AMOTL1: variants seen among roughly 807,000 people sequenced by gnomAD.
AMOTL1 encodes the protein angiomotin-like protein 1.
AMOTL1 carries 45 observed loss-of-function variants against 102.9 expected under a neutral mutation model. The ratio of observed to expected loss-of-function variants is 0.44; its 90% CI spans 0.34 to 0.56. AMOTL1 has a LOEUF of 0.56. Among genes scored for constraint, AMOTL1 ranks in the 20% least tolerant of loss-of-function variants. The pLI, the probability that AMOTL1 is intolerant of heterozygous loss-of-function variation, is 0.01. For synonymous variants in AMOTL1, 481 were observed against 484.7 expected (o/e 0.99, Z 0.10); for missense variants, 1,114 against 1,225.6 (o/e 0.91, Z 1.36).
chr11:94,820,804 A>C (rs994008078), intron 3 of AMOTL1, among the ~76,000 whole-genome samples: 14 of 152,094 alleles, frequency 9.2e-5, no homozygotes, highest in African/African-American at 3.1e-4. Flanking sequence ...GGAACAAACA[A>C]CCTAGATCCC....
At chr11:94,755,707 G>A (rs911111944) in intron 3 of AMOTL1, among the ~76,000 whole-genome samples, 1 of 151,998 alleles carries the variant, frequency 6.6e-6, no homozygotes, top group African/African-American at 2.4e-5. Context: ...CCTAGAGGCC[G>A]CATGCAGACA....
chr11:94,827,978 G>A (rs542205359), intron 4 of AMOTL1, among the ~76,000 whole-genome samples: 4 of 152,116 alleles, frequency 2.6e-5, no homozygotes, highest in East Asian at 1.9e-4. Flanking sequence ...AGTGGTCTCC[G>A]CTTTCTGATG....
At chr11:94,846,505 G>A (rs1171091908) in intron 6 of AMOTL1, among the ~76,000 whole-genome samples, 1 of 152,238 alleles carries the variant, frequency 6.6e-6, no homozygotes, top group Non-Finnish European at 1.5e-5. Context: ...ACCATAAGTG[G>A]AAGAGCTGGG....
Position 94,790,208 on chromosome 11 carries a change from G to A in AMOTL1, c.50-4803G>A, listed in dbSNP as rs117649373. On this transcript the variant is annotated intron_variant, in intron 1 of 12. Coordinates refer to ENST00000433060, the MANE Select transcript of AMOTL1 (RefSeq NM_130847.3). Reference sequence around the variant, plus strand: ...CCATGTTCTTGCCATCAGTCAGCACGTAGTAAGAAGCATATGTCTTACATG... The same window carrying A: ...CCATGTTCTTGCCATCAGTCAGCACATAGTAAGAAGCATATGTCTTACATG... Among the ~76,000 whole-genome samples the A allele has an allele frequency of 4.1e-4, 63 of 152,310 alleles. 2 individuals carry two copies. The East Asian group carries it at 0.012, about 28-fold the overall frequency.
intron 8 of AMOTL1, among the ~76,000 whole-genome samples, chr11:94,858,436 G>A (rs1952709802): frequency 6.6e-6 from 1 of 152,188 alleles, no homozygotes; most frequent in Non-Finnish European, 1.5e-5. Flanking sequence ...CTCTCTGATA[G>A]GATTAGTTTC....
chr11:94,826,185 C>G (rs909349111), intron 4 of AMOTL1, among the ~76,000 whole-genome samples: 1 of 152,094 alleles, frequency 6.6e-6, no homozygotes, highest in African/African-American at 2.4e-5. Context: ...TCCAGCTGCC[C>G]TGGAGGCTGA....
intron 3 of AMOTL1, among the ~76,000 whole-genome samples, chr11:94,746,884 A>C (rs1565337361): frequency 1.3e-5 from 2 of 152,248 alleles, no homozygotes; most frequent in Admixed American, 1.3e-4. Flanking sequence ...AGCAGCCAGC[A>C]CAGTGCCCAG....
intron 1 of AMOTL1, among the ~76,000 whole-genome samples, chr11:94,773,021 C>T (rs543336015): frequency 2.0e-5 from 3 of 152,258 alleles, no homozygotes; most frequent in South Asian, 2.1e-4. Context: ...TCCTCTTTGG[C>T]GAAATAACTA....
chr11:94,876,333 C>G lies in AMOTL1; in HGVS notation c.*5538C>G, dbSNP rs886876195. ...TGAAACAGTGGTAAGCATGGGCACC[C>G]GATTTCAGCTGTCCTGCTGCCGCTG... On this transcript the variant is annotated 3_prime_UTR_variant, in exon 13 of 13. Transcript: ENST00000433060. 1.3e-5 allele frequency: 2 copies of G among 152,596 alleles called. No homozygotes were observed. Among genetic ancestry groups the G allele is most frequent in the African/African-American group, 2.4e-5 (1 of 41,426 alleles). The allele number at this position is 152,596 out of a possible 1,614,324, so 9.5% of individuals were successfully genotyped here.
At chr11:94,795,403 C>T (rs1418321759) in intron 2 of AMOTL1, among the ~76,000 whole-genome samples, 1 of 152,194 alleles carries the variant, frequency 6.6e-6, no homozygotes, top group South Asian at 2.1e-4. Context: ...CATGTAGGAA[C>T]TTCAGAATTA....
intron 4 of AMOTL1, among the ~76,000 whole-genome samples, chr11:94,828,079 A>G (rs576130902): frequency 6.6e-6 from 1 of 152,258 alleles, no homozygotes; most frequent in Non-Finnish European, 1.5e-5. Flanking sequence ...CTTCGCCAAT[A>G]TGTGCAGCAG....
In AMOTL1 at chr11:94,866,187, T is replaced by G. The variant is rs1369258408; in HGVS notation, c.2488+19T>G. 1 of 1,610,426 alleles carries G rather than the reference T, an allele frequency of 6.2e-7. No individual in the cohort carries two copies. Among genetic ancestry groups the G allele is most frequent in the Non-Finnish European group, 8.5e-7 (1 of 1,177,236 alleles). On this transcript the variant is annotated intron_variant, in intron 11 of 12. Transcript: ENST00000433060. Reference sequence around the variant, plus strand: ...AGCATAGGTGAGCCCCACACCTCTGTCAGACCATGATTGGAAAAGCAAGAC... The same window carrying G: ...AGCATAGGTGAGCCCCACACCTCTGGCAGACCATGATTGGAAAAGCAAGAC...
At chr11:94,863,364 G>A (rs939364370) in intron 9 of AMOTL1, among the ~76,000 whole-genome samples, 6 of 151,854 alleles carry the variant, frequency 4.0e-5, no homozygotes, top group African/African-American at 9.7e-5. Flanking sequence ...AGGCTGAGGC[G>A]GGTGAATCAC....
intron 3 of AMOTL1, among the ~76,000 whole-genome samples, chr11:94,801,752 C>T (rs557788221): frequency 6.6e-6 from 1 of 152,260 alleles, no homozygotes; most frequent in African/African-American, 2.4e-5. Flanking sequence ...AATTACGAAT[C>T]AAACTCTCAG....
Position 94,799,794 on chromosome 11 carries a change from AG to A in AMOTL1, c.609del (p.Gln204SerfsTer33). 1 of 1,600,892 alleles carries A rather than the reference AG, an allele frequency of 6.2e-7. No homozygotes were observed. The highest frequency in any genetic ancestry group is 1.7e-5 in the Admixed American group (1 of 58,352). On this transcript the variant is annotated frameshift_variant, in exon 3 of 13. Transcript: ENST00000433060. LOFTEE classifies it high-confidence loss of function. This position sits in a 1 kb window ranked among gnomAD's most constrained non-coding sequence, Gnocchi z 4.5. ...EEAKAQSQFF[R>X]GQQQQQQQQG... is the part of the protein sequence containing the mutation. Reference sequence around the variant, plus strand: ...GGCCAAAGCACAGTCGCAGTTCTTCAGGGGGCAGCAGCAGCAGCAACAGCAG... The same window carrying A: ...GGCCAAAGCACAGTCGCAGTTCTTCAGGGGCAGCAGCAGCAGCAACAGCAG...
At chr11:94,797,873 A>C (rs1201252764) in intron 2 of AMOTL1, among the ~76,000 whole-genome samples, 1 of 152,224 alleles carries the variant, frequency 6.6e-6, no homozygotes, top group African/African-American at 2.4e-5. Flanking sequence ...CATATGATAG[A>C]ATATCAGTTT....
chr11:94,858,714 A>G (rs167982), intron 8 of AMOTL1, among the ~76,000 whole-genome samples: 21,759 of 152,144 alleles, frequency 0.14, 3,466 homozygotes, highest in African/African-American at 0.39. Context: ...ACTCCAAGAT[A>G]ACTTATCTCT....
chr11:94,755,005 AGGTGTGATAAAT>A (rs1477912777), intron 3 of AMOTL1, among the ~76,000 whole-genome samples: 7 of 152,134 alleles, frequency 4.6e-5, no homozygotes, highest in African/African-American at 1.4e-4. Flanking sequence ...TGCTCTTAGT[AGGTGTGATAAAT>A]GGTGACTCAG....
At chr11:94,821,146 A>T (rs73516160) in intron 3 of AMOTL1, among the ~76,000 whole-genome samples, 3,339 of 151,674 alleles carry the variant, frequency 0.022, 125 homozygotes, top group African/African-American at 0.077. Flanking sequence ...CCTCTCAGAG[A>T]CTCCTTCTCT....
Sources: allele counts gnomAD v4.1 joint callset (sites outside exome capture counted in the v4.1 genomes callset), GRCh38; gene constraint gnomAD v4.1.1; non-coding constraint Gnocchi (gnomAD v3.1); transcripts MANE v1.5; gene names NCBI Gene and HGNC (gene_info 2026-07-23, HGNC 2026-07-21).